Variants in PCDHGB3 observed in about 807,000 individuals in gnomAD.
The protein encoded by PCDHGB3 is protocadherin gamma-B3.
Under a neutral mutation model 59.2 loss-of-function variants are expected in PCDHGB3, and 40 were observed. The ratio of observed to expected loss-of-function variants is 0.68; its 90% CI spans 0.52 to 0.88. The LOEUF (loss-of-function observed/expected upper bound fraction) is 0.88, where lower values mean the gene tolerates loss of function less well. Among genes scored for constraint, PCDHGB3 ranks in the 40% least tolerant of loss-of-function variants. The pLI, the probability that PCDHGB3 is intolerant of heterozygous loss-of-function variation, is 0.00. For missense variants in PCDHGB3, 1,309 were observed against 1,187.9 expected, an observed-to-expected ratio of 1.10 and a Z score of -1.50; for synonymous variants, 581 against 503.6, an observed-to-expected ratio of 1.15 and a Z score of -2.06.
chr5:141,509,663 G>A (rs933532930), intron 3 of PCDHGB3, among the ~76,000 whole-genome samples: 1 of 152,140 alleles, frequency 6.6e-6, no homozygotes, highest in Non-Finnish European at 1.5e-5. Context: ...ACTTCTCTGG[G>A]CCCCAGTTTC....
At chr5:141,465,887 C>A (rs1267304672) in intron 1 of PCDHGB3, among the ~76,000 whole-genome samples, 1 of 152,040 alleles carries the variant, frequency 6.6e-6, no homozygotes, top group Non-Finnish European at 1.5e-5. Flanking sequence ...CTTTGGGAGG[C>A]CGAGGCGGGC....
chr5:141,460,214 G>C (rs925628892), intron 1 of PCDHGB3, among the ~76,000 whole-genome samples: 1 of 151,896 alleles, frequency 6.6e-6, no homozygotes, highest in South Asian at 2.1e-4. Flanking sequence ...CATTTTCTTA[G>C]TTGTGTCTTT....
chr5:141,399,794 C>G, intron 1 of PCDHGB3: 1 of 1,613,268 alleles, frequency 6.2e-7, no homozygotes, highest in South Asian at 1.1e-5. Flanking sequence ...GACAACGCAC[C>G]GCGGGTGCTG....
At chr5:141,404,023 A>G in intron 1 of PCDHGB3, 1 of 1,613,874 alleles carries the variant, frequency 6.2e-7, no homozygotes, top group South Asian at 1.1e-5. Context: ...GCCCAGTGAG[A>G]GAAGACGCAC....
intron 2 of PCDHGB3, among the ~76,000 whole-genome samples, chr5:141,495,826 A>G (rs1190417828): frequency 6.6e-6 from 1 of 150,888 alleles, no homozygotes; most frequent in African/African-American, 2.4e-5. Flanking sequence ...GTGTTCTTCT[A>G]TCCCCAGCCT....
intron 1 of PCDHGB3, among the ~76,000 whole-genome samples, chr5:141,465,205 G>A (rs1460694369): frequency 6.6e-6 from 1 of 151,892 alleles, no homozygotes; most frequent in Admixed American, 6.6e-5. Flanking sequence ...AAAAATATAA[G>A]CTTTATTTTT....
intron 2 of PCDHGB3, among the ~76,000 whole-genome samples, chr5:141,497,540 C>A (rs866982821): frequency 7.4e-6 from 1 of 134,944 alleles, no homozygotes; most frequent in African/African-American, 2.8e-5. Context: ...TGCAACAAAC[C>A]TTTTTTTTTT....
At chr5:141,497,827 C>T (rs1390986916) in intron 2 of PCDHGB3, among the ~76,000 whole-genome samples, 3 of 152,188 alleles carry the variant, frequency 2.0e-5, no homozygotes, top group East Asian at 3.9e-4. Flanking sequence ...GGTGTGATCG[C>T]CCCCGGCCAC....
intron 1 of PCDHGB3, chr5:141,399,373 G>A: frequency 6.2e-7 from 1 of 1,613,982 alleles, no homozygotes; most frequent in Non-Finnish European, 8.5e-7. Flanking sequence ...GGAGTACAAT[G>A]TCACCATCAC....
At position 141,512,091 on chromosome 5, in the gene PCDHGB3, A is replaced by C. The variant is rs1329025049; in HGVS notation, c.*918A>C. On this transcript the variant is annotated 3_prime_UTR_variant, in exon 4 of 4. Transcript: ENST00000576222. The stretch of plus-strand genomic sequence containing the variant: ...TCCAGATTCCAGCCATAAACCAATA[A>C]CTAGGCTGGACCCTTCCCACTACAT... 1 of 152,656 alleles carries C rather than the reference A, an allele frequency of 6.6e-6. No homozygotes were observed. The highest frequency in any genetic ancestry group is 2.4e-5 in the African/African-American group (1 of 41,456). 9.5% of individuals were successfully genotyped at this position (152,656 alleles called of 1,614,324 possible). A position where few individuals can be genotyped will look rare whatever the true frequency, so the allele number is the denominator to read the frequency against.
intron 1 of PCDHGB3, among the ~76,000 whole-genome samples, chr5:141,380,521 A>G (rs1183307813): frequency 1.3e-5 from 2 of 152,218 alleles, no homozygotes; most frequent in South Asian, 4.1e-4. Flanking sequence ...TAAACTATGA[A>G]ATGATTTCAA....
intron 1 of PCDHGB3, chr5:141,377,698 A>G (rs1274163537): frequency 6.6e-6 from 1 of 152,230 alleles, no homozygotes; most frequent in Non-Finnish European, 1.5e-5. Context: ...TTTACTACTT[A>G]GGAATCAAAA....
chr5:141,512,068 C>T lies in PCDHGB3; in HGVS notation c.*895C>T, dbSNP rs1215311369. 6.6e-6 allele frequency: 1 copy of T among 152,664 alleles called. No individual in the cohort carries two copies. The highest frequency in any genetic ancestry group is 1.5e-5 in the Non-Finnish European group (1 of 68,066). The allele number at this position is 152,664 out of a possible 1,614,324, so 9.5% of individuals were successfully genotyped here. On this transcript the variant is annotated 3_prime_UTR_variant, in exon 4 of 4. Transcript: ENST00000576222. The stretch of plus-strand genomic sequence containing the variant: ...TCCTCAGGGGACTGACAACATCCTC[C>T]AGATTCCAGCCATAAACCAATAACT...
At chr5:141,409,378 C>G (rs780715519) in intron 1 of PCDHGB3, 3 of 1,613,996 alleles carry the variant, frequency 1.9e-6, no homozygotes, top group Non-Finnish European at 2.5e-6. Context: ...ACATTCCATT[C>G]AAGATTTATT....
intron 1 of PCDHGB3, among the ~76,000 whole-genome samples, chr5:141,425,918 C>T (rs901485843): frequency 1.1e-4 from 16 of 152,200 alleles, no homozygotes; most frequent in Admixed American, 2.0e-4. Flanking sequence ...ACAGTCACTA[C>T]GAAAACTCAT....
rs2099883627 is a variant in PCDHGB3, at chr5:141,511,136, G to A, written c.2753G>A (p.Gly918Asp). 4.3e-6 allele frequency: 7 copies of A among 1,614,194 alleles called. No homozygotes were observed. The East Asian group carries it at 1.6e-4, about 36-fold the overall frequency. The change falls in exon 4 of 4, where the codon GGC (glycine) becomes GAC (aspartate). Residue 918 changes from glycine (G) to aspartate (D), a missense_variant. Physicochemically the swap from Gly to Asp is moderately conservative, Grantham distance 94. Coordinates refer to ENST00000576222, the MANE Select transcript of PCDHGB3 (RefSeq NM_018924.5). ...GGCAAGGCCCCAGCAGGTGGCAATG[G>A]CAACAAGAAGAAGTCGGGCAAGAAG... Reference protein sequence around the residue: ...RDGKAPAGGNGNKKKSGKKEK... With the variant: ...RDGKAPAGGNDNKKKSGKKEK...
At chr5:141,433,237 A>G in intron 1 of PCDHGB3, 1 of 1,495,940 alleles carries the variant, frequency 6.7e-7, no homozygotes, top group South Asian at 1.3e-5. Flanking sequence ...TCTGTCTCCC[A>G]AGCTGGAATG....
chr5:141,404,680 G>A (rs2094553624), intron 1 of PCDHGB3: 2 of 1,614,042 alleles, frequency 1.2e-6, no homozygotes, highest in Non-Finnish European at 1.7e-6. Context: ...CTGGTGTGGA[G>A]CTGGCACCCC....
intron 1 of PCDHGB3, chr5:141,413,606 TA>T (rs778210256): frequency 6.8e-6 from 11 of 1,613,848 alleles, no homozygotes; most frequent in Admixed American, 5.0e-5. Context: ...AATCTAGACG[TA>T]AAAATTAATG....
Sources: allele counts gnomAD v4.1 joint callset (sites outside exome capture counted in the v4.1 genomes callset), GRCh38; gene constraint gnomAD v4.1.1; transcripts MANE v1.5; gene names NCBI Gene and HGNC (gene_info 2026-07-23, HGNC 2026-07-21).